The following RANBP2 variants were observed in gnomAD, a reference collection of about 807,000 sequenced individuals.
The protein encoded by RANBP2 is E3 SUMO-protein ligase RanBP2.
Under a neutral mutation model 303.6 loss-of-function variants are expected in RANBP2, and 57 were observed. The observed-to-expected ratio is 0.19, with a 90% CI of 0.15 to 0.23. RANBP2 has a LOEUF of 0.23. Among genes scored for constraint, RANBP2 ranks in the 10% least tolerant of loss-of-function variants. The pLI, the probability that RANBP2 is intolerant of heterozygous loss-of-function variation, is 1.00. For synonymous variants in RANBP2, 1,167 were observed against 1,301.5 expected (o/e 0.90, Z 2.23); for missense variants, 3,138 against 3,780.8 (o/e 0.83, Z 4.46).
the RANBP2 span, among the ~76,000 whole-genome samples, chr2:109,565,129 A>G: frequency 6.6e-6 from 1 of 152,170 alleles, no homozygotes; most frequent in African/African-American, 2.4e-5. Flanking sequence ...ACTCTTAAGT[A>G]TAATTATTAC....
the RANBP2 span, among the ~76,000 whole-genome samples, chr2:109,307,296 A>C: frequency 5.3e-5 from 8 of 152,182 alleles, no homozygotes; most frequent in Non-Finnish European, 1.2e-4. Flanking sequence ...AATATATGAT[A>C]TTGAAGATGT....
At chr2:109,630,587 G>A in the RANBP2 span, among the ~76,000 whole-genome samples, 2 of 152,176 alleles carry the variant, frequency 1.3e-5, no homozygotes, top group Non-Finnish European at 2.9e-5. Flanking sequence ...TGTGGCCTGT[G>A]TAGCGCGGCA....
At chr2:109,642,906 G>A in the RANBP2 span, among the ~76,000 whole-genome samples, 1 of 152,336 alleles carries the variant, frequency 6.6e-6, no homozygotes, top group Admixed American at 6.5e-5. Flanking sequence ...CGGGTGTGGT[G>A]GCTCACGCCT....
downstream of RANBP2, chr2:108,788,852 G>A (rs760413418): frequency 1.2e-6 from 2 of 1,614,016 alleles, no homozygotes; most frequent in Middle Eastern, 1.7e-4. Flanking sequence ...TCGTTGACAG[G>A]TGATTTGGAT....
chr2:109,170,015 T>C, the RANBP2 span, among the ~76,000 whole-genome samples: 2 of 152,222 alleles, frequency 1.3e-5, no homozygotes, highest in Non-Finnish European at 2.9e-5. Context: ...AATAGTCCTT[T>C]ATCTTCATAT....
the RANBP2 span, among the ~76,000 whole-genome samples, chr2:109,485,760 G>A: frequency 1.3e-5 from 2 of 152,236 alleles, no homozygotes; most frequent in African/African-American, 4.8e-5. Context: ...GCTTTTTCTG[G>A]ATATAACTCA....
chr2:109,319,228 G>T, the RANBP2 span, among the ~76,000 whole-genome samples: 2 of 152,340 alleles, frequency 1.3e-5, no homozygotes, highest in East Asian at 3.9e-4. Context: ...CGTTTTGCAG[G>T]ACCAAGTGTT....
chr2:109,362,121 C>CT, the RANBP2 span, among the ~76,000 whole-genome samples: 16 of 151,786 alleles, frequency 1.1e-4, no homozygotes, highest in Admixed American at 9.2e-4. Flanking sequence ...TTAATTTGCT[C>CT]TTTTTTTCCT....
At chr2:108,773,665 G>GT (rs1558934258) in intron 23 of RANBP2, among the ~76,000 whole-genome samples, 33 of 150,656 alleles carry the variant, frequency 2.2e-4, no homozygotes, top group African/African-American at 7.6e-4. Flanking sequence ...TTTTTTGGGG[G>GT]GGGATGGAGT....
chr2:109,667,473 T>C, the RANBP2 span, among the ~76,000 whole-genome samples: 1 of 152,196 alleles, frequency 6.6e-6, no homozygotes, highest in African/African-American at 2.4e-5. Context: ...TGCTTGGCCG[T>C]GTTCTGCCCT....
At chr2:109,564,185 C>T in the RANBP2 span, 2 of 492,772 alleles carry the variant, frequency 4.1e-6, no homozygotes, top group East Asian at 6.9e-5. Flanking sequence ...AAGCAAGACT[C>T]TTCAAAAGCA....
the RANBP2 span, among the ~76,000 whole-genome samples, chr2:109,284,929 T>C: frequency 6.6e-6 from 1 of 151,984 alleles, no homozygotes; most frequent in Non-Finnish European, 1.5e-5. Flanking sequence ...GATGACAGAG[T>C]TTGGGAAACT....
the RANBP2 span, among the ~76,000 whole-genome samples, chr2:109,713,895 G>T: frequency 1.3e-5 from 2 of 152,154 alleles, no homozygotes; most frequent in African/African-American, 4.8e-5. Context: ...ACATGTGTGG[G>T]TTTTCCCCAT....
At chr2:108,857,096 T>TA in the RANBP2 span, 4 of 392,604 alleles carry the variant, frequency 1.0e-5, no homozygotes, top group Admixed American at 2.5e-4. Context: ...TTTTTTTTTT[T>TA]TGAGATGGAG....
At chr2:108,960,779 G>T in the RANBP2 span, among the ~76,000 whole-genome samples, 2 of 152,076 alleles carry the variant, frequency 1.3e-5, no homozygotes, top group Non-Finnish European at 2.9e-5. Flanking sequence ...ATATCATAAG[G>T]AGTCATATCG....
intron 7 of RANBP2, among the ~76,000 whole-genome samples, chr2:108,745,745 A>C (rs1303723919): frequency 6.6e-6 from 1 of 151,972 alleles, no homozygotes; most frequent in Non-Finnish European, 1.5e-5. Context: ...TGTACTTTTT[A>C]AAGTAGGGTG....
the RANBP2 span, among the ~76,000 whole-genome samples, chr2:109,050,915 G>A: frequency 6.6e-6 from 1 of 152,052 alleles, no homozygotes; most frequent in African/African-American, 2.4e-5. Flanking sequence ...TAATTACAGA[G>A]GAGATGGGCT....
At chr2:108,899,495 T>C in the RANBP2 span, among the ~76,000 whole-genome samples, 2 of 152,148 alleles carry the variant, frequency 1.3e-5, no homozygotes, top group African/African-American at 4.8e-5. Context: ...GAAAAGAACA[T>C]AGTGAGCAAA....
the RANBP2 span, among the ~76,000 whole-genome samples, chr2:109,085,597 C>G: frequency 6.8e-6 from 1 of 146,744 alleles, no homozygotes; most frequent in East Asian, 2.0e-4. Flanking sequence ...ACCACCACAC[C>G]TGGCTTTTTT....
Sources: allele counts gnomAD v4.1 joint callset (sites outside exome capture counted in the v4.1 genomes callset), GRCh38; gene constraint gnomAD v4.1.1; transcripts MANE v1.5; gene names NCBI Gene and HGNC (gene_info 2026-07-23, HGNC 2026-07-21).